The following SGF29 variants were observed in gnomAD, a reference collection of about 807,000 sequenced individuals.
The protein encoded by SGF29 is SAGA-associated factor 29.
In SGF29, 15 loss-of-function variants were observed where a neutral mutation model predicts 38.1. That is an observed-to-expected ratio of 0.39 (90% CI 0.26 to 0.61). The LOEUF is 0.61. Among genes scored for constraint, SGF29 ranks in the 20% least tolerant of loss-of-function variants. The pLI, the probability that SGF29 is intolerant of heterozygous loss-of-function variation, is 0.49. For synonymous variants in SGF29, 151 were observed against 160.8 expected (o/e 0.94, Z 0.46); for missense variants, 184 against 394.6 (o/e 0.47, Z 4.52).
chr16:28,555,603 CTA>C (rs1596593551), intron 1 of SGF29, among the ~76,000 whole-genome samples: 2 of 152,198 alleles, frequency 1.3e-5, no homozygotes, highest in Non-Finnish European at 2.9e-5. Flanking sequence ...TTGGGTGACA[CTA>C]TTATAGAGGC....
At chr16:28,560,372 C>T (rs988274358) in intron 1 of SGF29, among the ~76,000 whole-genome samples, 4 of 148,770 alleles carry the variant, frequency 2.7e-5, no homozygotes, top group Non-Finnish European at 5.9e-5. Flanking sequence ...GGGTGGATCA[C>T]GAGGTCAGGA....
intron 1 of SGF29, among the ~76,000 whole-genome samples, chr16:28,561,413 A>G (rs754338021): frequency 4.2e-4 from 64 of 152,028 alleles, no homozygotes; most frequent in Admixed American, 3.7e-3. Flanking sequence ...GGCACCTGCA[A>G]TCCCAGCTAC....
At chr16:28,556,164 C>CTATT (rs201919458) in intron 1 of SGF29, among the ~76,000 whole-genome samples, 3,392 of 151,992 alleles carry the variant, frequency 0.022, 59 homozygotes, top group Non-Finnish European at 0.029. Flanking sequence ...AATATAGATT[C>CTATT]TATTTATTTA....
At chr16:28,584,788 CA>C (rs377573618) in intron 2 of SGF29, 124 bp from the exon 3 acceptor site, 126,491 of 414,002 alleles carry the variant, frequency 0.31, 3,312 homozygotes, top group Admixed American at 0.35. Flanking sequence ...GACTCCATCT[CA>C]AAAAAAAAAA....
At chr16:28,574,844 C>T (rs2046884251) in intron 1 of SGF29, among the ~76,000 whole-genome samples, 1 of 152,166 alleles carries the variant, frequency 6.6e-6, no homozygotes, top group Admixed American at 6.5e-5. Flanking sequence ...CAGATTTATC[C>T]ACTTCCAATC....
chr16:28,566,790 C>T (rs1268862436), intron 1 of SGF29, among the ~76,000 whole-genome samples: 1 of 152,092 alleles, frequency 6.6e-6, no homozygotes, highest in African/African-American at 2.4e-5. Flanking sequence ...ATCTCAGCCT[C>T]CCAAGTAGCT....
intron 1 of SGF29, among the ~76,000 whole-genome samples, chr16:28,577,514 T>G (rs1168636768): frequency 1.3e-5 from 2 of 152,248 alleles, no homozygotes; most frequent in Non-Finnish European, 2.9e-5. Flanking sequence ...TCACTTAGCA[T>G]AATGTTTTCA....
chr16:28,565,817 A>G (rs2151644340), intron 1 of SGF29, among the ~76,000 whole-genome samples: 1 of 151,950 alleles, frequency 6.6e-6, no homozygotes, highest in Non-Finnish European at 1.5e-5. Context: ...GAAGGAAAGG[A>G]TAGTGATTCA....
chr16:28,589,296 C>G, intron 5 of SGF29, 132 bp downstream of exon 5: 1 of 847,652 alleles, frequency 1.2e-6, no homozygotes, highest in Non-Finnish European at 1.9e-6. Context: ...CTCTGGCAGA[C>G]TGGCTCTACC....
At chr16:28,558,929 G>C (rs2046768941) in intron 1 of SGF29, among the ~76,000 whole-genome samples, 1 of 152,176 alleles carries the variant, frequency 6.6e-6, no homozygotes, top group Non-Finnish European at 1.5e-5. Context: ...TGAGTATAAG[G>C]TTTTAAGGAG....
chr16:28,590,462 G>C lies in SGF29; in HGVS notation c.566+20G>C. 1 of 1,613,876 alleles carries C rather than the reference G, an allele frequency of 6.2e-7. No individual in the cohort carries two copies. Among genetic ancestry groups the C allele is most frequent in the South Asian group, 1.1e-5 (1 of 91,078 alleles). ...CAACAAGTGAGTGACACCAACCCTGGGGCTGCTCTCTGGTCACCGAACTTG... is the reference window on the plus strand; with the variant it reads ...CAACAAGTGAGTGACACCAACCCTGCGGCTGCTCTCTGGTCACCGAACTTG... On this transcript the variant is annotated intron_variant, in intron 7 of 9. Transcript: ENST00000317058. The surrounding 1 kb of genome is among the most constrained non-coding windows in gnomAD (Gnocchi z 8.2).
intron 1 of SGF29, among the ~76,000 whole-genome samples, chr16:28,558,538 C>T (rs1014299851): frequency 2.6e-5 from 4 of 152,160 alleles, no homozygotes; most frequent in African/African-American, 9.7e-5. Context: ...GGATTACAGG[C>T]ATGAGCCACT....
At chr16:28,589,719 A>G (rs2046976264) in intron 5 of SGF29, among the ~76,000 whole-genome samples, 1 of 152,246 alleles carries the variant, frequency 6.6e-6, no homozygotes, top group Non-Finnish European at 1.5e-5. Context: ...CTTTCTGTTG[A>G]ATTACAATGT....
At chr16:28,572,393 C>T (rs551008487) in intron 1 of SGF29, among the ~76,000 whole-genome samples, 5 of 152,304 alleles carry the variant, frequency 3.3e-5, no homozygotes, top group South Asian at 2.1e-4. Context: ...CCTCAGCCTC[C>T]GAGTAGCTGG....
At chr16:28,557,978 T>G (rs556121179) in intron 1 of SGF29, among the ~76,000 whole-genome samples, 19 of 145,824 alleles carry the variant, frequency 1.3e-4, no homozygotes, top group Non-Finnish European at 2.7e-4. Flanking sequence ...TTTTTTTTTT[T>G]TTTTTTTTTT....
At chr16:28,569,962 G>T (rs141416017) in intron 1 of SGF29, among the ~76,000 whole-genome samples, 59 of 152,330 alleles carry the variant, frequency 3.9e-4, no homozygotes, top group Admixed American at 1.0e-3. Flanking sequence ...AGCTGTAGGG[G>T]CATGGCTACC....
At chr16:28,569,352 G>T (rs938502696) in intron 1 of SGF29, among the ~76,000 whole-genome samples, 1 of 152,142 alleles carries the variant, frequency 6.6e-6, no homozygotes, top group Non-Finnish European at 1.5e-5. Flanking sequence ...TCTCAGCATG[G>T]CCACGTTGTA....
chr16:28,589,197 T>A (rs757243373), intron 5 of SGF29, 33 bp downstream of exon 5: 45 of 1,612,026 alleles, frequency 2.8e-5, no homozygotes, highest in Non-Finnish European at 3.6e-5. Context: ...GGAGGTCCTT[T>A]GCTAGGACAA....
chr16:28,569,248 C>G (rs2046851072), intron 1 of SGF29, among the ~76,000 whole-genome samples: 1 of 152,156 alleles, frequency 6.6e-6, no homozygotes, highest in Non-Finnish European at 1.5e-5. Context: ...CATGGCTTCT[C>G]TTGACGGCTT....
Sources: gnomAD v4.1 joint callset for allele counts (sites outside exome capture counted in the v4.1 genomes callset) on GRCh38, gnomAD v4.1.1 for gene constraint, Gnocchi (gnomAD v3.1) non-coding constraint, MANE v1.5 for transcripts, NCBI Gene and HGNC (gene_info 2026-07-23, HGNC 2026-07-21) for gene names.